Variants in SRGAP1 observed in about 807,000 individuals in gnomAD.
SRGAP1 encodes SLIT-ROBO Rho GTPase activating protein 1, also known as SLIT-ROBO Rho GTPase-activating protein 1.
SRGAP1 carries 43 observed loss-of-function variants against 121.9 expected under a neutral mutation model. The ratio of observed to expected loss-of-function variants is 0.35; its 90% CI spans 0.28 to 0.46. The LOEUF (loss-of-function observed/expected upper bound fraction) is 0.46. Among genes scored for constraint, SRGAP1 ranks in the 20% least tolerant of loss-of-function variants. The pLI, the probability that SRGAP1 is intolerant of heterozygous loss-of-function variation, is 1.00. For missense variants in SRGAP1, 1,102 were observed against 1,350.9 expected (o/e 0.82, Z 2.89); for synonymous variants, 447 against 485.4 (o/e 0.92, Z 1.04).
chr12:63,850,747 T>C lies in SRGAP1; in HGVS notation c.67+5864T>C, dbSNP rs73313485. Among the ~76,000 whole-genome samples the C allele has an allele frequency of 5.1e-3, 780 of 152,228 alleles. 11 individuals are homozygous for C. The highest frequency in any genetic ancestry group is 0.018 in the African/African-American group (746 of 41,544). On this transcript the variant is annotated intron_variant, in intron 1 of 21. Transcript: ENST00000355086. ...CAAGGAGAGACAGCTTAAAAAATTT[T>C]ATTCATGCTACCTATTTTCACTTCA...
intron 1 of SRGAP1, among the ~76,000 whole-genome samples, chr12:63,886,248 G>C (rs1353029589): frequency 6.6e-6 from 1 of 152,080 alleles, no homozygotes; most frequent in Non-Finnish European, 1.5e-5. Context: ...TTTTAGTAGA[G>C]ATGGGGTTTA....
At chr12:63,898,621 C>G (rs1900830777) in intron 1 of SRGAP1, among the ~76,000 whole-genome samples, 1 of 152,106 alleles carries the variant, frequency 6.6e-6, no homozygotes, top group East Asian at 1.9e-4. Context: ...GAAGGAAACT[C>G]TACAAACAAT....
intron 8 of SRGAP1, among the ~76,000 whole-genome samples, chr12:64,066,951 T>A (rs983957300): frequency 6.6e-6 from 1 of 152,196 alleles, no homozygotes; most frequent in South Asian, 2.1e-4. Context: ...AGGAAAATAG[T>A]GTATTATACA....
intron 15 of SRGAP1, among the ~76,000 whole-genome samples, chr12:64,105,874 T>C (rs1392544232): frequency 1.3e-5 from 2 of 152,204 alleles, no homozygotes; most frequent in East Asian, 1.9e-4. Context: ...TTGCTGTCTA[T>C]GGGATTTGAC....
In SRGAP1 at chr12:64,111,865, T is replaced by C. The variant is rs746275384; in HGVS notation, c.2023T>C (p.Cys675Arg). ...CCCAGAAATACAGGATCAAGTGTCTTGCCAGGCACATGTGAATGAAATTAT... is the reference window on the plus strand; with the variant it reads ...CCCAGAAATACAGGATCAAGTGTCTCGCCAGGCACATGTGAATGAAATTAT... ...PVPEIQDQVS[C>R]QAHVNEIIKT... The change falls in exon 17 of 22, where the codon TGC (cysteine) becomes CGC (arginine). Residue 675 changes from cysteine (C) to arginine (R), a missense_variant. Coordinates refer to ENST00000355086, the MANE Select transcript of SRGAP1 (RefSeq NM_020762.4). The C allele has an allele frequency of 6.2e-7, 1 of 1,614,080 alleles. No homozygotes were observed. The highest frequency in any genetic ancestry group is 1.7e-5 in the Admixed American group (1 of 60,002).
chr12:64,108,263 A>G (rs556055217), intron 15 of SRGAP1, among the ~76,000 whole-genome samples: 2 of 152,304 alleles, frequency 1.3e-5, no homozygotes, highest in African/African-American at 4.8e-5. Context: ...GCATAACACT[A>G]GTCTCAGGTA....
At chr12:63,911,413 G>A (rs893805470) in intron 1 of SRGAP1, among the ~76,000 whole-genome samples, 5 of 152,142 alleles carry the variant, frequency 3.3e-5, no homozygotes, top group Admixed American at 2.6e-4. Context: ...TAATGTGCTG[G>A]CAACATCTTA....
intron 1 of SRGAP1, among the ~76,000 whole-genome samples, chr12:63,940,634 G>A (rs2031832435): frequency 6.6e-6 from 1 of 152,236 alleles, no homozygotes; most frequent in Non-Finnish European, 1.5e-5. Context: ...AGAACTGTCT[G>A]TGGTTGTGCC....
rs752668507 is a variant in SRGAP1 at position 63,983,797 on chromosome 12, A to T, written c.68-150A>T. On this transcript the variant is annotated intron_variant, in intron 1 of 21. Coordinates refer to ENST00000355086, the MANE Select transcript of SRGAP1 (RefSeq NM_020762.4). ...AAAATAAATAAATAAATACATTTAA[A>T]ATATATATATATATATATATATATA... is the stretch of plus-strand genomic sequence containing the variant. The T allele has an allele frequency of 2.9e-3, 185 of 64,890 alleles. 2 individuals are homozygous for T. Among genetic ancestry groups the T allele is most frequent in the South Asian group, 4.3e-3 (7 of 1,616 alleles). The allele number at this position is 64,890 out of a possible 1,614,324, so 4.0% of individuals were successfully genotyped here.
At chr12:63,934,924 T>G (rs1047973623) in intron 1 of SRGAP1, among the ~76,000 whole-genome samples, 1 of 152,202 alleles carries the variant, frequency 6.6e-6, no homozygotes, top group African/African-American at 2.4e-5. Flanking sequence ...ACATGTTTGT[T>G]CTTGTTTAAT....
chr12:63,847,583 TAA>T (rs1898943067), intron 1 of SRGAP1, among the ~76,000 whole-genome samples: 1 of 151,910 alleles, frequency 6.6e-6, no homozygotes, highest in Non-Finnish European at 1.5e-5. Context: ...CTGTCCCTAC[TAA>T]AAATACAAAA....
intron 4 of SRGAP1, among the ~76,000 whole-genome samples, chr12:64,027,205 T>C (rs1224293588): frequency 6.6e-6 from 1 of 151,968 alleles, no homozygotes; most frequent in African/African-American, 2.4e-5. Context: ...CCATGGGAGG[T>C]AGTTGAGGCA....
chr12:63,899,302 A>G (rs1244315395), intron 1 of SRGAP1, among the ~76,000 whole-genome samples: 1 of 151,682 alleles, frequency 6.6e-6, no homozygotes, highest in Non-Finnish European at 1.5e-5. Flanking sequence ...GTGCCATTGT[A>G]CTCCTGCCTG....
chr12:64,097,785 G>C (rs2036187336), intron 15 of SRGAP1, among the ~76,000 whole-genome samples: 1 of 152,128 alleles, frequency 6.6e-6, no homozygotes, highest in Non-Finnish European at 1.5e-5. Context: ...TTCAAGAAAT[G>C]GATAAAATGA....
Position 63,984,150 on chromosome 12 carries a change from A to G in SRGAP1, c.263+8A>G. On this transcript the variant is annotated splice_region_variant and intron_variant, in intron 2 of 21. Transcript: ENST00000355086. ...GGATCATCAACAATACAAGTAAGAG[A>G]TTTGAATCTAATTCACCTTTCCAAG... The G allele has an allele frequency of 7.0e-7, 1 of 1,420,046 alleles. No individual in the cohort carries two copies. The highest frequency in any genetic ancestry group is 9.4e-7 in the Non-Finnish European group (1 of 1,061,266). 88.0% of individuals were successfully genotyped at this position (1,420,046 alleles called of 1,614,324 possible).
intron 1 of SRGAP1, among the ~76,000 whole-genome samples, chr12:63,925,195 T>G (rs903944677): frequency 2.4e-4 from 37 of 152,214 alleles, no homozygotes; most frequent in African/African-American, 8.7e-4. Context: ...AAAGTAGTAC[T>G]GCTTCAGGTG....
Position 63,933,105 on chromosome 12 carries a change from T to A in SRGAP1, c.68-50842T>A, listed in dbSNP as rs2031538776. ...CAGGAGGCTGAAGCAGGAGAATCAC[T>A]TGAACCCGGGAGGTGGAGGTTGCAG... On this transcript the variant is annotated intron_variant, in intron 1 of 21. Transcript: ENST00000355086. Among the ~76,000 whole-genome samples, 4 of 152,216 alleles carry A rather than the reference T, an allele frequency of 2.6e-5. 1 individual carries two copies. The South Asian group carries it at 8.3e-4, about 32-fold the overall frequency.
At chr12:63,982,608 A>G (rs2033284939) in intron 1 of SRGAP1, 1 of 152,238 alleles carries the variant, frequency 6.6e-6, no homozygotes, top group Non-Finnish European at 1.5e-5. Flanking sequence ...TCTAAGAGGA[A>G]TAGCAAGAAA....
At chr12:63,929,038 C>T (rs1276033253) in intron 1 of SRGAP1, among the ~76,000 whole-genome samples, 1 of 151,256 alleles carries the variant, frequency 6.6e-6, no homozygotes, top group Non-Finnish European at 1.5e-5. Context: ...TCCTAACAGG[C>T]CACGGACCAA....
Sources: allele counts gnomAD v4.1 joint callset (sites outside exome capture counted in the v4.1 genomes callset), GRCh38; gene constraint gnomAD v4.1.1; transcripts MANE v1.5; gene names NCBI Gene and HGNC (gene_info 2026-07-23, HGNC 2026-07-21).